NRXN3: variants seen among roughly 807,000 people sequenced by gnomAD.
The protein encoded by NRXN3 is neurexin III.
A neutral mutation model predicts 137.6 loss-of-function variants in NRXN3; 32 were observed. The ratio of observed to expected loss-of-function variants is 0.23; its 90% CI spans 0.18 to 0.31. NRXN3 has a LOEUF of 0.31. Among genes scored for constraint, NRXN3 ranks in the 10% least tolerant of loss-of-function variants. NRXN3 has a pLI of 1.00. For missense variants in NRXN3, 1,574 were observed against 2,062.5 expected (o/e 0.76, Z 4.59); for synonymous variants, 798 against 784.5 (o/e 1.02, Z -0.29).
intron 10 of NRXN3, among the ~76,000 whole-genome samples, chr14:78,877,685 T>A (rs1002591730): frequency 6.6e-6 from 1 of 152,236 alleles, no homozygotes; most frequent in African/African-American, 2.4e-5. Context: ...CTATGAATTA[T>A]GTAGAAATAG....
At chr14:78,893,997 A>C (rs1258258798) in intron 10 of NRXN3, among the ~76,000 whole-genome samples, 1 of 151,950 alleles carries the variant, frequency 6.6e-6, no homozygotes, top group Non-Finnish European at 1.5e-5. Context: ...AAAATTGCTG[A>C]TGATAATCTG....
intron 15 of NRXN3, among the ~76,000 whole-genome samples, chr14:79,180,620 T>C (rs1362669401): frequency 3.9e-5 from 6 of 152,188 alleles, no homozygotes; most frequent in Non-Finnish European, 8.8e-5. Flanking sequence ...TGGTGTACTT[T>C]ATATAACAGA....
intron 19 of NRXN3, among the ~76,000 whole-genome samples, chr14:79,786,249 A>G (rs1247807439): frequency 6.6e-6 from 1 of 152,192 alleles, no homozygotes; most frequent in Non-Finnish European, 1.5e-5. Flanking sequence ...AGGGATCTGA[A>G]TAAGTACTAG....
At chr14:79,772,629 A>T (rs1053190535) in intron 19 of NRXN3, among the ~76,000 whole-genome samples, 6 of 152,222 alleles carry the variant, frequency 3.9e-5, no homozygotes, top group Non-Finnish European at 5.9e-5. Context: ...AATCAATTCA[A>T]TATGGATTAG....
At chr14:78,543,242 TTC>T (rs984259294) in intron 4 of NRXN3, among the ~76,000 whole-genome samples, 1 of 152,180 alleles carries the variant, frequency 6.6e-6, no homozygotes, top group Non-Finnish European at 1.5e-5. Flanking sequence ...AATTGATGCA[TTC>T]ATGATCTGAG....
At chr14:79,084,612 G>GA (rs1431034963) in intron 15 of NRXN3, among the ~76,000 whole-genome samples, 1 of 152,062 alleles carries the variant, frequency 6.6e-6, no homozygotes, top group Non-Finnish European at 1.5e-5. Context: ...CTGCTGTTTG[G>GA]AAAATCAGAA....
intron 4 of NRXN3, among the ~76,000 whole-genome samples, chr14:78,466,662 C>T (rs1489935012): frequency 6.6e-6 from 1 of 152,162 alleles, no homozygotes; most frequent in Non-Finnish European, 1.5e-5. Context: ...CCTGTATTTT[C>T]AGATGCAAAG....
At chr14:78,900,233 A>G (rs1349528284) in intron 10 of NRXN3, among the ~76,000 whole-genome samples, 1 of 151,802 alleles carries the variant, frequency 6.6e-6, no homozygotes, top group Non-Finnish European at 1.5e-5. Flanking sequence ...ATAGATGAGT[A>G]AACTGACACC....
chr14:79,635,747 T>C (rs2098399056), intron 16 of NRXN3, among the ~76,000 whole-genome samples: 4 of 152,140 alleles, frequency 2.6e-5, no homozygotes, highest in Admixed American at 1.3e-4. Flanking sequence ...GACTGGATAA[T>C]TCATAAAGGA....
At chr14:79,396,900 T>C (rs961343526) in intron 15 of NRXN3, among the ~76,000 whole-genome samples, 10 of 152,184 alleles carry the variant, frequency 6.6e-5, no homozygotes, top group African/African-American at 2.2e-4. Context: ...AATGCGCTAC[T>C]TATTAAACTT....
intron 15 of NRXN3, among the ~76,000 whole-genome samples, chr14:79,179,129 T>C (rs891350117): frequency 3.3e-5 from 5 of 152,048 alleles, no homozygotes; most frequent in African/African-American, 1.2e-4. Context: ...ACCTAAAAGA[T>C]GTGCTTCTCT....
At chr14:78,890,983 C>G (rs137934983) in intron 10 of NRXN3, among the ~76,000 whole-genome samples, 1 of 151,864 alleles carries the variant, frequency 6.6e-6, no homozygotes, top group Non-Finnish European at 1.5e-5. Context: ...AAGGCACCAA[C>G]GGTAATAAGT....
chr14:78,214,956 A>G (rs1336724894), intron 1 of NRXN3, among the ~76,000 whole-genome samples: 3 of 152,224 alleles, frequency 2.0e-5, no homozygotes, highest in East Asian at 3.8e-4. Context: ...TGAATAAACC[A>G]TTAACCTGTA....
chr14:79,560,776 A>T (rs1025821596), intron 16 of NRXN3, among the ~76,000 whole-genome samples: 1 of 151,916 alleles, frequency 6.6e-6, no homozygotes, highest in Admixed American at 6.6e-5. Context: ...CCTGACCTCA[A>T]GTGATCTGCC....
chr14:79,664,062 C>A, intron 17 of NRXN3, 113 bp downstream of exon 17: 1 of 1,067,660 alleles, frequency 9.4e-7, no homozygotes, highest in Admixed American at 2.2e-5. Flanking sequence ...GTGAAGTACA[C>A]ATTCATGATT....
chr14:79,111,694 C>T (rs1181619076), intron 15 of NRXN3, among the ~76,000 whole-genome samples: 1 of 149,136 alleles, frequency 6.7e-6, no homozygotes, highest in East Asian at 2.0e-4. Flanking sequence ...GCTGAGATCG[C>T]ACCGTGGCAC....
intron 4 of NRXN3, among the ~76,000 whole-genome samples, chr14:78,323,903 T>C (rs1406061902): frequency 6.6e-6 from 1 of 152,046 alleles, no homozygotes; most frequent in Non-Finnish European, 1.5e-5. Context: ...TTACCAGCCA[T>C]GAGCAGTTTC....
chr14:78,242,711 C>G lies in NRXN3; in HGVS notation c.-383C>G, dbSNP rs941151044. 1 of 192,508 alleles carries G rather than the reference C, an allele frequency of 5.2e-6. No individual in the cohort carries two copies. Among genetic ancestry groups the G allele is most frequent in the African/African-American group, 2.3e-5 (1 of 42,808 alleles). 11.9% of individuals were successfully genotyped at this position (192,508 alleles called of 1,614,324 possible). A position where few individuals can be genotyped will look rare whatever the true frequency, so the allele number is the denominator to read the frequency against. ...AGGAGTGCATCGCTGAAGGCTTCTTCCTACTCTCCTGCACCTTCTCCTCCT... is the reference window on the plus strand; with the variant it reads ...AGGAGTGCATCGCTGAAGGCTTCTTGCTACTCTCCTGCACCTTCTCCTCCT... On this transcript the variant is annotated 5_prime_UTR_variant, in exon 2 of 21. Transcript: ENST00000335750.
intron 10 of NRXN3, among the ~76,000 whole-genome samples, chr14:78,902,177 A>G (rs1465923751): frequency 6.6e-6 from 1 of 152,096 alleles, no homozygotes; most frequent in Non-Finnish European, 1.5e-5. Context: ...TGGCACAGGC[A>G]TCTCAATGAG....
Sources: allele counts gnomAD v4.1 joint callset (sites outside exome capture counted in the v4.1 genomes callset), GRCh38; gene constraint gnomAD v4.1.1; transcripts MANE v1.5; gene names NCBI Gene and HGNC (gene_info 2026-07-23, HGNC 2026-07-21).